Variants in SGCA observed in about 807,000 individuals in gnomAD.
The protein encoded by SGCA is sarcoglycan alpha.
SGCA carries 34 observed loss-of-function variants against 38.1 expected under a neutral mutation model. That is an observed-to-expected ratio of 0.89 (90% CI 0.68 to 1.19). The LOEUF is 1.19. Ranked by LOEUF, SGCA falls within the 50% of genes most tolerant of loss-of-function variation. The pLI is 0.00. For missense variants in SGCA, 476 were observed against 524.9 expected (o/e 0.91, Z 0.91); for synonymous variants, 209 against 214.6 (o/e 0.97, Z 0.23).
Position 50,169,086 on chromosome 17 carries a change from T to A in SGCA, c.585-6T>A. On this transcript the variant is annotated splice_region_variant and splice_polypyrimidine_tract_variant and intron_variant, in intron 5 of 9. Coordinates refer to ENST00000262018, the MANE Select transcript of SGCA (RefSeq NM_000023.4). ...TCTGCTGACAGTGACTTCTATCTGGTCCCAGGGTATACATTAAGGTGGGTT... is the reference window on the plus strand; with the variant it reads ...TCTGCTGACAGTGACTTCTATCTGGACCCAGGGTATACATTAAGGTGGGTT... 6.2e-7 allele frequency: 1 copy of A among 1,613,680 alleles called. No individual in the cohort carries two copies. Among genetic ancestry groups the A allele is most frequent in the South Asian group, 1.1e-5 (1 of 91,080 alleles).
Position 50,167,897 on chromosome 17 carries a change from GCCACGTTTCTCC to G in SGCA, c.313-47_313-36del. On this transcript the variant is annotated intron_variant, in intron 3 of 9. Coordinates refer to ENST00000262018, the MANE Select transcript of SGCA (RefSeq NM_000023.4). This position sits in a 1 kb window ranked among gnomAD's most constrained non-coding sequence, Gnocchi z 4.5. The stretch of plus-strand genomic sequence containing the variant: ...TCCTCTCCTGCCAGGCCCCCGCTGT[GCCACGTTTCTCC>G]CCTAACCCACTTCTCAGATGTCTTT... The G allele has an allele frequency of 1.9e-6, 3 of 1,583,316 alleles. No individual in the cohort carries two copies. Among genetic ancestry groups the G allele is most frequent in the Non-Finnish European group, 2.6e-6 (3 of 1,152,060 alleles).
At chr17:50,175,611 TA>T (rs1905878362) in intron 9 of SGCA, 100 bp from the exon 10 acceptor site, 1 of 721,230 alleles carries the variant, frequency 1.4e-6, no homozygotes, top group Admixed American at 2.0e-5. Flanking sequence ...GTGCCAGGGC[TA>T]TGACCCCAAT....
Position 50,175,328 on chromosome 17 carries a change from A to G in SGCA, c.1055A>G (p.Glu352Gly). 6.2e-7 allele frequency: 1 copy of G among 1,610,176 alleles called. No homozygotes were observed. Among genetic ancestry groups the G allele is most frequent in the East Asian group, 2.2e-5 (1 of 44,852 alleles). ...CTGCGGCAGATGGCGGCCAGCCGCGAGGTGCCCCGGCCACTCTCCACCCTG... is the reference window on the plus strand; with the variant it reads ...CTGCGGCAGATGGCGGCCAGCCGCGGGGTGCCCCGGCCACTCTCCACCCTG... The part of the protein sequence containing the change: ...EELRQMAASR[E>G]VPRPLSTLPM... Residue 352 changes from glutamate (E) to glycine (G), a missense_variant, in exon 9 of 10, where the codon GAG becomes GGG. By Grantham distance (98) the Glu-to-Gly change is moderately conservative. Coordinates refer to ENST00000262018, the MANE Select transcript of SGCA (RefSeq NM_000023.4).
rs2144496738 is a variant in SGCA, at chr17:50,168,468, C to G, written c.480C>G (p.Ala160=). The G allele has an allele frequency of 6.3e-7, 1 of 1,583,696 alleles. No homozygotes were observed. Among genetic ancestry groups the G allele is most frequent in the East Asian group, 2.3e-5 (1 of 43,664 alleles). Residue 160 remains alanine (A), a synonymous_variant, in exon 5 of 10, where the codon GCC becomes GCG. Transcript: ENST00000262018. ...CACCTGCCAGCCGCTTCCTCTCAGC[C>G]TTGGGGGGACTCTGGGAGCCCGGAG... is the stretch of plus-strand genomic sequence containing the variant. ...PSTPASRFLS[A]LGGLWEPGEL...
chr17:50,170,030 G>A (rs1322196349), intron 6 of SGCA, 113 bp from the exon 7 acceptor site: 7 of 868,250 alleles, frequency 8.1e-6, no homozygotes, highest in African/African-American at 5.0e-5. Flanking sequence ...GCACTGTCCC[G>A]CCTCTGCTGG....
rs1905127694 is a variant in SGCA at position 50,168,584 on chromosome 17, A to G, written c.584+12A>G. The G allele has an allele frequency of 1.9e-6, 3 of 1,553,298 alleles. No homozygotes were observed. Among genetic ancestry groups the G allele is most frequent in the Non-Finnish European group, 2.6e-6 (3 of 1,146,960 alleles). ...GGCCGAAAAGAAGGGTAGGTGTGCA[A>G]CCCTAGAGGACTTCCTGAAAGAGGA... On this transcript the variant is annotated intron_variant, in intron 5 of 9. Coordinates refer to ENST00000262018, the MANE Select transcript of SGCA (RefSeq NM_000023.4).
Position 50,169,008 on chromosome 17 carries a change from G to A in SGCA, c.585-84G>A, listed in dbSNP as rs907518859. 10 of 1,288,310 alleles carry A rather than the reference G, an allele frequency of 7.8e-6. No individual in the cohort carries two copies. The Admixed American group carries it at 1.2e-4, about 15-fold the overall frequency. 79.8% of individuals were successfully genotyped at this position (1,288,310 alleles called of 1,614,324 possible). Reference sequence around the variant, plus strand: ...ATCCCCAGGTCATAGCCTACAATTAGGAAAGTTTCAACAACCCCTGGCAGA... The same window carrying A: ...ATCCCCAGGTCATAGCCTACAATTAAGAAAGTTTCAACAACCCCTGGCAGA... On this transcript the variant is annotated intron_variant, in intron 5 of 9. Transcript: ENST00000262018.
chr17:50,170,376 G>A lies in SGCA; in HGVS notation c.956+25G>A, dbSNP rs772397834. 5.0e-6 allele frequency: 8 copies of A among 1,602,540 alleles called. No homozygotes were observed. In the Admixed American group the frequency reaches 1.0e-4, roughly 20 times the overall value. ...GGTGAATGTGGGCATGAAGGGCGGG[G>A]GAGCACCTGCTGGAGCTCACACCCA... is the stretch of plus-strand genomic sequence containing the variant. On this transcript the variant is annotated intron_variant, in intron 7 of 9. Transcript: ENST00000262018.
intron 1 of SGCA, among the ~76,000 whole-genome samples, chr17:50,166,744 C>CAT: frequency 7.8e-6 from 1 of 128,032 alleles, no homozygotes; most frequent in Non-Finnish European, 1.6e-5. Flanking sequence ...CACCCTCACA[C>CAT]ACCCTCACAC....
In SGCA at chr17:50,170,331, G is replaced by C. The variant is rs1567742579; in HGVS notation, c.936G>C (p.Met312Ile). 5.6e-6 allele frequency: 9 copies of C among 1,613,692 alleles called. No individual in the cohort carries two copies. Residue 312 changes from methionine to isoleucine, a missense_variant, in exon 7 of 10, where the codon ATG (methionine) becomes ATC (isoleucine). Met to Ile is a conservative substitution (Grantham distance 10). Coordinates refer to ENST00000262018, the MANE Select transcript of SGCA (RefSeq NM_000023.4). ...TCACCTTGCTGCTGGCCTATGTCAT[G>C]TGCTGCCGGCGGGAGGGAAGGTGAA... ...LLLTLLLAYVMCCRREGRLKR... is the reference protein window; with the variant it reads ...LLLTLLLAYVICCRREGRLKR...
In SGCA at chr17:50,167,584, G is replaced by A. The variant is rs1485826147; in HGVS notation, c.160G>A (p.Val54Ile). The A allele has an allele frequency of 1.2e-6, 2 of 1,613,414 alleles. No individual in the cohort carries two copies. Among genetic ancestry groups the A allele is most frequent in the Non-Finnish European group, 8.5e-7 (1 of 1,179,994 alleles). Residue 54 changes from valine to isoleucine, a missense_variant and splice_region_variant, in exon 3 of 10, where the codon GTC becomes ATC. Physicochemically the swap from Val to Ile is conservative, Grantham distance 29 (BLOSUM62 3). Coordinates refer to ENST00000262018, the MANE Select transcript of SGCA (RefSeq NM_000023.4). This position sits in a 1 kb window ranked among gnomAD's most constrained non-coding sequence, Gnocchi z 4.5. ...TFLSLPEHVA[V>I]PPAVHITYHA... is the part of the protein sequence containing the mutation. The stretch of plus-strand genomic sequence containing the variant: ...TCCCCTCTCCTCGCTTCCACCAGCT[G>A]TCCCACCCGCTGTCCACATCACCTA...
chr17:50,166,867 C>T (rs1489763869), intron 1 of SGCA, among the ~76,000 whole-genome samples: 35 of 67,478 alleles, frequency 5.2e-4, no homozygotes, highest in African/African-American at 1.9e-3. Flanking sequence ...ACACACACCC[C>T]CACATACCCC....
chr17:50,175,135 G>A, intron 8 of SGCA, 122 bp from the exon 9 acceptor site: 1 of 906,832 alleles, frequency 1.1e-6, no homozygotes, highest in Non-Finnish European at 1.7e-6. Context: ...CCTGCATCAT[G>A]TGTCTGAGTC....
Position 50,168,006 on chromosome 17 carries a change from T to C in SGCA, c.372T>C (p.Ile124=). The change falls in exon 4 of 10, where the codon ATT becomes ATC. Residue 124 remains isoleucine (I), a synonymous_variant. Coordinates refer to ENST00000262018, the MANE Select transcript of SGCA (RefSeq NM_000023.4). ...CTCGGCAGAGGCTGGTGCTGGAGATTGGGGACCCAGAAGGTACCTCTAGCT... is the reference window on the plus strand; with the variant it reads ...CTCGGCAGAGGCTGGTGCTGGAGATCGGGGACCCAGAAGGTACCTCTAGCT... ...DTTRQRLVLE[I]GDPEGPLLPY... The C allele has an allele frequency of 6.2e-7, 1 of 1,613,994 alleles. No homozygotes were observed. Among genetic ancestry groups the C allele is most frequent in the Non-Finnish European group, 8.5e-7 (1 of 1,179,904 alleles).
At chr17:50,168,103 G>C in intron 4 of SGCA, 84 bp downstream of exon 4, 1 of 1,265,140 alleles carries the variant, frequency 7.9e-7, no homozygotes, top group South Asian at 1.2e-5. Context: ...CTGTGGACAG[G>C]AGAGGCTTGG....
intron 8 of SGCA, chr17:50,171,926 G>T: frequency 2.2e-6 from 1 of 456,764 alleles, no homozygotes; most frequent in Non-Finnish European, 4.4e-6. Flanking sequence ...TTGCCCAGTC[G>T]CTGTCTTGCT....
At position 50,175,405 on chromosome 17, in the gene SGCA, G is replaced by A. The variant is rs375692868; in HGVS notation, c.1132G>A (p.Ala378Thr). Residue 378 changes from alanine (A) to threonine (T), a missense_variant, in exon 9 of 10, where the codon GCC (alanine) becomes ACC (threonine). By Grantham distance (58) the Ala-to-Thr change is moderately conservative. Coordinates refer to ENST00000262018, the MANE Select transcript of SGCA (RefSeq NM_000023.4). ...GERLPPRVDSAQVPLILDQH is the reference protein window; with the variant it reads ...GERLPPRVDSTQVPLILDQH ...GCGGCTGCCTCCCCGCGTGGACAGC[G>A]CCCAGGTGCCCCTCATTCTGGACCA... is the stretch of plus-strand genomic sequence containing the variant. The A allele has an allele frequency of 3.8e-5, 61 of 1,613,028 alleles. No homozygotes were observed. The highest frequency in any genetic ancestry group is 1.4e-4 in the South Asian group (13 of 91,068).
chr17:50,170,924 C>A (rs546616047), intron 8 of SGCA, among the ~76,000 whole-genome samples: 1 of 152,140 alleles, frequency 6.6e-6, no homozygotes, highest in Non-Finnish European at 1.5e-5. Context: ...ACTAGCCAGG[C>A]GTGGTGGAGC....
intron 8 of SGCA, among the ~76,000 whole-genome samples, chr17:50,174,867 A>G (rs1905797340): frequency 6.6e-6 from 1 of 151,796 alleles, no homozygotes; most frequent in Admixed American, 6.6e-5. Flanking sequence ...ATCTCAGCTC[A>G]CTGCAACCTC....
Sources: gnomAD v4.1 joint callset for allele counts (sites outside exome capture counted in the v4.1 genomes callset) on GRCh38, gnomAD v4.1.1 for gene constraint, Gnocchi (gnomAD v3.1) non-coding constraint, MANE v1.5 for transcripts, NCBI Gene and HGNC (gene_info 2026-07-23, HGNC 2026-07-21) for gene names.